Variants in ADCY2 observed in about 807,000 individuals in gnomAD.
The protein encoded by ADCY2 is adenylate cyclase type 2.
ADCY2 carries 31 observed loss-of-function variants against 125.2 expected under a neutral mutation model. The observed-to-expected ratio is 0.25, with a 90% CI of 0.19 to 0.33. The LOEUF is 0.33. Among genes scored for constraint, ADCY2 ranks in the 10% least tolerant of loss-of-function variants. ADCY2 has a pLI of 1.00. For synonymous variants in ADCY2, 512 were observed against 548.4 expected, an observed-to-expected ratio of 0.93 and a Z score of 0.93; for missense variants, 904 against 1,418.2, an observed-to-expected ratio of 0.64 and a Z score of 5.82.
intron 3 of ADCY2, among the ~76,000 whole-genome samples, chr5:7,561,055 A>G (rs1735692640): frequency 6.6e-6 from 1 of 152,128 alleles, no homozygotes; most frequent in South Asian, 2.1e-4. Flanking sequence ...GTTCCCACTC[A>G]CTTTTAACCG....
intron 2 of ADCY2, among the ~76,000 whole-genome samples, chr5:7,490,640 C>CGCACACACACACATGCATGCAT (rs1309246719): frequency 7.9e-5 from 12 of 152,216 alleles, no homozygotes; most frequent in Non-Finnish European, 1.2e-4. Context: ...TAAACACACA[C>CGCACACACACACATGCATGCAT]GCACACACAC....
chr5:7,772,802 C>G (rs1743594135), intron 17 of ADCY2, 130 bp from the exon 18 acceptor site: 1 of 768,494 alleles, frequency 1.3e-6, no homozygotes, highest in African/African-American at 1.8e-5. Flanking sequence ...AGATGAGAAA[C>G]AAGCCTCTGT....
chr5:7,415,408 A>G (rs1016616149), intron 2 of ADCY2, among the ~76,000 whole-genome samples: 2 of 152,170 alleles, frequency 1.3e-5, no homozygotes, highest in Non-Finnish European at 2.9e-5. Context: ...CTGAGCTTCA[A>G]TTCTGTCCGT....
At chr5:7,430,596 G>T (rs1474016409) in intron 2 of ADCY2, among the ~76,000 whole-genome samples, 3 of 145,426 alleles carry the variant, frequency 2.1e-5, no homozygotes, top group Non-Finnish European at 4.4e-5. Flanking sequence ...AGGATAACAT[G>T]AACAAATGTA....
intron 14 of ADCY2, among the ~76,000 whole-genome samples, chr5:7,743,254 G>T (rs1207596452): frequency 1.3e-5 from 2 of 151,952 alleles, no homozygotes; most frequent in Non-Finnish European, 2.9e-5. Context: ...CAGGAACAAG[G>T]GTGGAACTTG....
At chr5:7,589,518 AAGAAAG>A (rs1414207582) in intron 3 of ADCY2, among the ~76,000 whole-genome samples, 12 of 98,458 alleles carry the variant, frequency 1.2e-4, no homozygotes, top group East Asian at 2.9e-4. Context: ...AAGAAAAGAA[AAGAAAG>A]AGAAAGAAAG....
At chr5:7,408,606 G>C (rs1456745830) in intron 1 of ADCY2, among the ~76,000 whole-genome samples, 2 of 151,922 alleles carry the variant, frequency 1.3e-5, no homozygotes, top group African/African-American at 4.8e-5. Flanking sequence ...GATCTTGGGT[G>C]ATCTACCCAC....
At chr5:7,681,496 C>T (rs1037024432) in intron 4 of ADCY2, among the ~76,000 whole-genome samples, 1 of 152,120 alleles carries the variant, frequency 6.6e-6, no homozygotes, top group African/African-American at 2.4e-5. Context: ...GCATTCACAG[C>T]AGAAAATGTA....
intron 11 of ADCY2, 72 bp downstream of exon 11, chr5:7,712,971 A>G: frequency 1.7e-6 from 2 of 1,169,442 alleles, no homozygotes; most frequent in Middle Eastern, 4.3e-4. Context: ...ATTATCATCA[A>G]TTATGGTAAT....
chr5:7,701,099 A>T (rs995881363), intron 7 of ADCY2, among the ~76,000 whole-genome samples: 3 of 150,438 alleles, frequency 2.0e-5, no homozygotes, highest in South Asian at 2.1e-4. Flanking sequence ...AAAAAAATAT[A>T]TTTTTTTTTT....
chr5:7,672,189 TTTA>T (rs1739958906), intron 4 of ADCY2, among the ~76,000 whole-genome samples: 1 of 152,168 alleles, frequency 6.6e-6, no homozygotes, highest in South Asian at 2.1e-4. Context: ...TAACTTAAAA[TTTA>T]TTATTTTCTA....
At chr5:7,619,501 G>C (rs112443597) in intron 3 of ADCY2, among the ~76,000 whole-genome samples, 5 of 152,324 alleles carry the variant, frequency 3.3e-5, no homozygotes, top group African/African-American at 1.2e-4. Flanking sequence ...AAAATCTCCT[G>C]TGGAGAAATA....
intron 3 of ADCY2, among the ~76,000 whole-genome samples, chr5:7,557,192 G>GATATATAGATATATAT (rs1204974635): frequency 1.2e-4 from 10 of 80,608 alleles, no homozygotes; most frequent in Non-Finnish European, 2.6e-4. Flanking sequence ...TTATATATGT[G>GATATATAGATATATAT]ATATATATAA....
intron 2 of ADCY2, among the ~76,000 whole-genome samples, chr5:7,434,462 A>C (rs1353856040): frequency 6.6e-6 from 1 of 152,242 alleles, no homozygotes; most frequent in East Asian, 1.9e-4. Context: ...ATTCCAAGCC[A>C]CCTTCACCTT....
chr5:7,456,826 C>T (rs1040088521), intron 2 of ADCY2, among the ~76,000 whole-genome samples: 3 of 152,116 alleles, frequency 2.0e-5, no homozygotes, highest in East Asian at 1.9e-4. Context: ...GATAGGACTT[C>T]GTACTCTAAT....
intron 16 of ADCY2, among the ~76,000 whole-genome samples, chr5:7,759,219 C>A (rs573923789): frequency 6.6e-6 from 1 of 152,270 alleles, no homozygotes; most frequent in East Asian, 1.9e-4. Flanking sequence ...GCTGGCAGCC[C>A]TACCTCACCT....
intron 4 of ADCY2, among the ~76,000 whole-genome samples, chr5:7,660,949 C>T (rs1739507639): frequency 6.6e-6 from 1 of 152,274 alleles, no homozygotes; most frequent in Admixed American, 6.5e-5. Flanking sequence ...CTGCTGGAGG[C>T]AGAATCCAGT....
chr5:7,679,808 A>G (rs943465309), intron 4 of ADCY2, among the ~76,000 whole-genome samples: 12 of 152,196 alleles, frequency 7.9e-5, no homozygotes, highest in African/African-American at 1.4e-4. Context: ...ACAGAGACCA[A>G]TGGATTGTCT....
intron 1 of ADCY2, among the ~76,000 whole-genome samples, chr5:7,403,291 TA>T (rs1470486814): frequency 6.6e-6 from 1 of 152,198 alleles, no homozygotes; most frequent in Non-Finnish European, 1.5e-5. Flanking sequence ...TTATTAATGT[TA>T]AAAATTAAAT....
Sources: gnomAD v4.1 joint callset for allele counts (sites outside exome capture counted in the v4.1 genomes callset) on GRCh38, gnomAD v4.1.1 for gene constraint, MANE v1.5 for transcripts, NCBI Gene and HGNC (gene_info 2026-07-23, HGNC 2026-07-21) for gene names.